ATOSA: variants seen among roughly 807,000 people sequenced by gnomAD.
ATOSA encodes the protein atos homolog A.
the ATOSA span, chr15:52,605,211 T>A: frequency 1.9e-6 from 3 of 1,611,036 alleles, no homozygotes; most frequent in Non-Finnish European, 2.5e-6. Flanking sequence ...GAAAATTATG[T>A]TTTCGCCACA....
the ATOSA span, among the ~76,000 whole-genome samples, chr15:52,602,715 G>A: frequency 2.4e-4 from 37 of 152,090 alleles, no homozygotes; most frequent in Non-Finnish European, 4.3e-4. Context: ...TACTCCACCC[G>A]AGTAAATAGA....
At chr15:52,662,190 A>T in the ATOSA span, among the ~76,000 whole-genome samples, 7,513 of 152,206 alleles carry the variant, frequency 0.049, 347 homozygotes, top group East Asian at 0.25. Flanking sequence ...CTTTAGTGTG[A>T]AAGTGTTTAT....
chr15:52,706,091 TA>T, the ATOSA span, among the ~76,000 whole-genome samples: 1 of 152,170 alleles, frequency 6.6e-6, no homozygotes, highest in Admixed American at 6.6e-5. Context: ...AGGAATGGGT[TA>T]GGGGAGATAG....
chr15:52,644,315 A>C, the ATOSA span, among the ~76,000 whole-genome samples: 1 of 152,204 alleles, frequency 6.6e-6, no homozygotes, highest in Non-Finnish European at 1.5e-5. Flanking sequence ...AGGGTAAGAA[A>C]CAATCAGATG....
At chr15:52,664,306 C>T in the ATOSA span, among the ~76,000 whole-genome samples, 1 of 152,178 alleles carries the variant, frequency 6.6e-6, no homozygotes, top group Admixed American at 6.5e-5. Context: ...AGTTACAGTT[C>T]TAGAATCCTA....
At chr15:52,662,566 C>T in the ATOSA span, among the ~76,000 whole-genome samples, 64 of 151,986 alleles carry the variant, frequency 4.2e-4, no homozygotes, top group Admixed American at 5.9e-4. Flanking sequence ...GTCAGGAGAT[C>T]GAGACCATCC....
chr15:52,704,344 C>G, the ATOSA span, among the ~76,000 whole-genome samples: 1 of 152,078 alleles, frequency 6.6e-6, no homozygotes, highest in Non-Finnish European at 1.5e-5. Context: ...ACACCTTATA[C>G]AAAAATTAAC....
the ATOSA span, among the ~76,000 whole-genome samples, chr15:52,588,668 C>G: frequency 6.6e-6 from 1 of 152,234 alleles, no homozygotes; most frequent in African/African-American, 2.4e-5. Flanking sequence ...GTTGTCCAGG[C>G]TTCGACCTCC....
At chr15:52,637,915 A>G in the ATOSA span, among the ~76,000 whole-genome samples, 1 of 152,122 alleles carries the variant, frequency 6.6e-6, no homozygotes, top group Non-Finnish European at 1.5e-5. Flanking sequence ...TAAATAAACA[A>G]TCATATCACT....
chr15:52,643,775 T>C, the ATOSA span, among the ~76,000 whole-genome samples: 1 of 151,834 alleles, frequency 6.6e-6, no homozygotes, highest in East Asian at 1.9e-4. Flanking sequence ...TAGCTGGGTG[T>C]GGTGGCGTGT....
chr15:52,588,134 T>C, the ATOSA span, among the ~76,000 whole-genome samples: 1 of 152,168 alleles, frequency 6.6e-6, no homozygotes, highest in Non-Finnish European at 1.5e-5. Flanking sequence ...TCAGCATCAC[T>C]TGTGAACTCG....
the ATOSA span, among the ~76,000 whole-genome samples, chr15:52,642,670 C>T: frequency 2.0e-5 from 3 of 152,206 alleles, no homozygotes; most frequent in Admixed American, 6.5e-5. Flanking sequence ...CTCTCTCTCA[C>T]TTATTTCCAA....
chr15:52,679,688 C>T, the ATOSA span, among the ~76,000 whole-genome samples: 2 of 151,988 alleles, frequency 1.3e-5, no homozygotes, highest in Non-Finnish European at 2.9e-5. Context: ...GCTATTAGAG[C>T]GCAGGGTAAC....
chr15:52,694,993 C>T, the ATOSA span, among the ~76,000 whole-genome samples: 2 of 151,130 alleles, frequency 1.3e-5, no homozygotes, highest in East Asian at 1.9e-4. Context: ...GGTGTGATCC[C>T]GGCTCACTGC....
the ATOSA span, among the ~76,000 whole-genome samples, chr15:52,629,159 G>C: frequency 6.6e-6 from 1 of 152,034 alleles, no homozygotes; most frequent in Non-Finnish European, 1.5e-5. Flanking sequence ...TTAACTAAAG[G>C]TTTTTTAAAA....
the ATOSA span, among the ~76,000 whole-genome samples, chr15:52,647,325 A>G: frequency 6.6e-6 from 1 of 152,214 alleles, no homozygotes; most frequent in South Asian, 2.1e-4. Flanking sequence ...CTCTCCCAAA[A>G]TAACATATGT....
the ATOSA span, among the ~76,000 whole-genome samples, chr15:52,623,872 G>GT: frequency 9.9e-5 from 15 of 152,168 alleles, no homozygotes; most frequent in African/African-American, 3.6e-4. Flanking sequence ...TTCTAGAAAA[G>GT]TATTAAATAT....
the ATOSA span, among the ~76,000 whole-genome samples, chr15:52,675,060 T>C: frequency 6.6e-6 from 1 of 152,156 alleles, no homozygotes; most frequent in African/African-American, 2.4e-5. Context: ...AAGCAAGTAA[T>C]GGAACAAGTA....
the ATOSA span, among the ~76,000 whole-genome samples, chr15:52,685,242 C>G: frequency 6.6e-6 from 1 of 152,096 alleles, no homozygotes; most frequent in Non-Finnish European, 1.5e-5. Context: ...TTGCCCTAAT[C>G]TTTTCTTTTT....
Sources: allele counts gnomAD v4.1 joint callset (sites outside exome capture counted in the v4.1 genomes callset), GRCh38; gene constraint gnomAD v4.1.1; transcripts MANE v1.5; gene names NCBI Gene and HGNC (gene_info 2026-07-23, HGNC 2026-07-21).